The following DHX8 variants were observed in gnomAD, a reference collection of about 807,000 sequenced individuals.
DHX8 encodes ATP-dependent RNA helicase DHX8.
In DHX8, 67 loss-of-function variants were observed where a neutral mutation model predicts 140.7. That is an observed-to-expected ratio of 0.48 (90% CI 0.39 to 0.58). The LOEUF is 0.58. Among genes scored for constraint, DHX8 ranks in the 20% least tolerant of loss-of-function variants. The pLI, the probability that DHX8 is intolerant of heterozygous loss-of-function variation, is 0.00. For synonymous variants in DHX8, 533 were observed against 553.2 expected, an observed-to-expected ratio of 0.96 and a Z score of 0.51; for missense variants, 887 against 1,550.7, an observed-to-expected ratio of 0.57 and a Z score of 7.19.
chr17:43,496,176 G>A lies in DHX8; in HGVS notation c.1213-5G>A. 6.2e-7 allele frequency: 1 copy of A among 1,612,122 alleles called. No individual in the cohort carries two copies. The highest frequency in any genetic ancestry group is 8.5e-7 in the Non-Finnish European group (1 of 1,178,628). On this transcript the variant is annotated splice_region_variant and splice_polypyrimidine_tract_variant and intron_variant, in intron 8 of 22. Coordinates refer to ENST00000262415, the MANE Select transcript of DHX8 (RefSeq NM_004941.3). ...TACAAATGCTGCCTTCTCTTCTTTG[G>A]CTAGATGATTGCTGCCAATGTCCTT...
At chr17:43,495,742 G>A (rs376174782) in intron 8 of DHX8, among the ~76,000 whole-genome samples, 7 of 152,106 alleles carry the variant, frequency 4.6e-5, no homozygotes, top group Admixed American at 6.6e-5. Flanking sequence ...TCCCGATATC[G>A]TGGGTCAGAG....
At position 43,500,072 on chromosome 17, in the gene DHX8, CAACAAACACTG is replaced by C. The variant is rs1969094520; in HGVS notation, c.1516_1526del (p.Asn506GlyfsTer2). ...AGATGGATTCTATTCCCATGGGACT[CAACAAACACTG>C]GGTTGACCCTCTGCCTGATGGTAGG... On this transcript the variant is annotated frameshift_variant, in exon 11 of 23. Coordinates refer to ENST00000262415, the MANE Select transcript of DHX8 (RefSeq NM_004941.3). LOFTEE classifies it high-confidence loss of function. The C allele has an allele frequency of 6.2e-7, 1 of 1,614,012 alleles. No individual in the cohort carries two copies. Among genetic ancestry groups the C allele is most frequent in the Non-Finnish European group, 8.5e-7 (1 of 1,180,024 alleles).
intron 2 of DHX8, chr17:43,533,943 TG>T: frequency 6.5e-7 from 1 of 1,549,678 alleles, no homozygotes. Context: ...GCGGGGACTC[TG>T]GGGCTCCTTC....
intron 16 of DHX8, among the ~76,000 whole-genome samples, chr17:43,509,268 G>C (rs558760037): frequency 6.6e-6 from 1 of 152,240 alleles, no homozygotes; most frequent in South Asian, 2.1e-4. Flanking sequence ...AAGGGGACAA[G>C]CATTCTAAGG....
At chr17:43,493,305 A>T (rs1488585985) in intron 6 of DHX8, 140 bp from the exon 7 acceptor site, 1 of 1,241,464 alleles carries the variant, frequency 8.1e-7, no homozygotes, top group Non-Finnish European at 1.1e-6. Context: ...TGTTAATACT[A>T]TTTTATTGTT....
chr17:43,504,593 C>A, intron 11 of DHX8, 51 bp from the exon 12 acceptor site: 2 of 1,519,498 alleles, frequency 1.3e-6, no homozygotes, highest in South Asian at 2.6e-5. Context: ...TTTCCTGGTA[C>A]ATCTTGAGGT....
At chr17:43,531,886 C>CTCGT (rs1383692896) in intron 2 of DHX8, among the ~76,000 whole-genome samples, 3 of 152,210 alleles carry the variant, frequency 2.0e-5, no homozygotes, top group African/African-American at 4.8e-5. Context: ...ACTCTGCACA[C>CTCGT]TCGTGTTCCT....
chr17:43,507,775 C>T (rs776826814), intron 14 of DHX8, 34 bp from the exon 15 acceptor site: 7 of 1,613,434 alleles, frequency 4.3e-6, no homozygotes, highest in Non-Finnish European at 5.1e-6. Context: ...TTTGGGTAGT[C>T]CTTTTCAGTA....
intron 8 of DHX8, among the ~76,000 whole-genome samples, chr17:43,494,994 A>G (rs1289983124): frequency 6.6e-6 from 1 of 151,308 alleles, no homozygotes; most frequent in Non-Finnish European, 1.5e-5. Context: ...TTGAATTTTT[A>G]GTAGAGACGG....
At chr17:43,529,862 C>T (rs1393545390), downstream of DHX8, 9 of 1,613,382 alleles carry the variant, frequency 5.6e-6, no homozygotes, top group Non-Finnish European at 7.6e-6. Context: ...TTGACCCTCC[C>T]ATCAACAGTC....
In DHX8 at chr17:43,507,080, G is replaced by T. The variant is rs527912463; in HGVS notation, c.1806G>T (p.Leu602=). 5.0e-6 allele frequency: 8 copies of T among 1,614,118 alleles called. 1 individual carries two copies. The highest frequency in any genetic ancestry group is 4.0e-5 in the African/African-American group (3 of 75,024). The change falls in exon 13 of 23, where the codon CTG becomes CTT. Residue 602 remains leucine (L), a synonymous_variant. Transcript: ENST00000262415. The stretch of plus-strand genomic sequence containing the variant: ...AGACAACACAGATCACCCAGTACCT[G>T]GCGGAGGCAGGCTACACTTCCAGGG... ...SGKTTQITQY[L]AEAGYTSRGK... is the part of the protein sequence containing the mutation.
downstream of DHX8, chr17:43,526,645 CTT>C (rs1299377145): frequency 1.3e-6 from 2 of 1,530,084 alleles, no homozygotes; most frequent in South Asian, 1.2e-5. Context: ...TTGTGGAGAC[CTT>C]TCTTTCCCTG....
At chr17:43,493,135 G>A (rs1968637312) in intron 6 of DHX8, 95 bp downstream of exon 6, 17 of 1,496,718 alleles carry the variant, frequency 1.1e-5, no homozygotes, top group Non-Finnish European at 1.5e-5. Flanking sequence ...TTTGATTAAT[G>A]ACACTTTAGT....
chr17:43,490,882 GA>G (rs931472692), intron 3 of DHX8, among the ~76,000 whole-genome samples: 14 of 151,480 alleles, frequency 9.2e-5, no homozygotes, highest in Admixed American at 4.6e-4. Context: ...GTTTCAAGGG[GA>G]AAAAAAATTT....
intron 9 of DHX8, among the ~76,000 whole-genome samples, chr17:43,497,207 C>T (rs1968912847): frequency 6.6e-6 from 1 of 151,966 alleles, no homozygotes; most frequent in Non-Finnish European, 1.5e-5. Context: ...TTGAACTTAA[C>T]TCATTTTTCT....
chr17:43,489,764 G>C (rs1010438749), intron 2 of DHX8, among the ~76,000 whole-genome samples: 1 of 151,958 alleles, frequency 6.6e-6, no homozygotes, highest in Non-Finnish European at 1.5e-5. Context: ...CTAATTTTTT[G>C]TATTTTTAGT....
chr17:43,507,510 A>G lies in DHX8; in HGVS notation c.1931A>G (p.Tyr644Cys). 6.2e-7 allele frequency: 1 copy of G among 1,613,834 alleles called. No homozygotes were observed. Among genetic ancestry groups the G allele is most frequent in the Non-Finnish European group, 8.5e-7 (1 of 1,179,930 alleles). ...CCTTCTCTTCTGCTTTAGGTGGGCT[A>G]CACCATTCGATTTGAGGACTGCACT... Reference protein sequence around the residue: ...FGCCLGQEVGYTIRFEDCTSP... With the variant: ...FGCCLGQEVGCTIRFEDCTSP... The change falls in exon 14 of 23, where the codon TAC (tyrosine) becomes TGC (cysteine). Residue 644 changes from tyrosine to cysteine, a missense_variant. Physicochemically the swap from Tyr to Cys is radical, Grantham distance 194. This residue lies in a region of DHX8 where 178 missense variants were observed against 398.5 expected (regional missense o/e 0.45). Coordinates refer to ENST00000262415, the MANE Select transcript of DHX8 (RefSeq NM_004941.3).
intron 3 of DHX8, among the ~76,000 whole-genome samples, chr17:43,541,216 C>T (rs1290076427): frequency 8.5e-5 from 13 of 152,220 alleles, no homozygotes. Context: ...TAGGCCAGGG[C>T]CCTCAGTCAT....
chr17:43,506,318 C>G (rs1356237863), intron 12 of DHX8, among the ~76,000 whole-genome samples: 1 of 148,068 alleles, frequency 6.8e-6, no homozygotes, highest in South Asian at 2.2e-4. Flanking sequence ...CTTAAACAAA[C>G]AAACAAAAAA....
Sources: allele counts gnomAD v4.1 joint callset (sites outside exome capture counted in the v4.1 genomes callset), GRCh38; gene constraint gnomAD v4.1.1; regional missense constraint gnomAD v4.1.1; transcripts MANE v1.5; gene names NCBI Gene and HGNC (gene_info 2026-07-23, HGNC 2026-07-21).